Variants in PTPRK observed in about 807,000 individuals in gnomAD.
The protein encoded by PTPRK is receptor-type tyrosine-protein phosphatase kappa.
Under a neutral mutation model 178.0 loss-of-function variants are expected in PTPRK, and 75 were observed. The observed-to-expected ratio is 0.42, with a 90% CI of 0.35 to 0.51. PTPRK has a LOEUF of 0.51. Among genes scored for constraint, PTPRK ranks in the 20% least tolerant of loss-of-function variants. The pLI is 0.02. For synonymous variants in PTPRK, 637 were observed against 620.6 expected (o/e 1.03, Z -0.39); for missense variants, 1,441 against 1,797.8 (o/e 0.80, Z 3.59).
Position 128,364,362 on chromosome 6 carries a change from G to A in PTPRK, c.223+33204C>T, listed in dbSNP as rs537634518. Among the ~76,000 whole-genome samples, 14 of 152,030 alleles carry A rather than the reference G, an allele frequency of 9.2e-5. No individual in the cohort carries two copies. In the South Asian group the frequency reaches 1.0e-3, roughly 11 times the overall value. ...TTTTTTATCTTGTCGTATTATGGGGGACATATTATCCCTACCTAAACTTGC... is the reference window on the plus strand; with the variant it reads ...TTTTTTATCTTGTCGTATTATGGGGAACATATTATCCCTACCTAAACTTGC... On this transcript the variant is annotated intron_variant, in intron 2 of 29. Transcript: ENST00000368226.
intron 1 of PTPRK, among the ~76,000 whole-genome samples, chr6:128,465,955 C>T (rs1438979436): frequency 6.6e-6 from 1 of 152,048 alleles, no homozygotes; most frequent in Admixed American, 6.6e-5. Context: ...TTTATAAAAC[C>T]AAAATCAAAG....
chr6:128,352,253 C>CAAAAAAAA (rs10665459), intron 2 of PTPRK, among the ~76,000 whole-genome samples: 4 of 94,946 alleles, frequency 4.2e-5, no homozygotes, highest in Admixed American at 3.7e-4. Context: ...GACTTCATCT[C>CAAAAAAAA]AAAAAAAAAA....
chr6:128,340,726 C>A, intron 2 of PTPRK: 1 of 439,100 alleles, frequency 2.3e-6, no homozygotes, highest in Non-Finnish European at 4.3e-6. Context: ...ACCAAAAATG[C>A]AAATAGATTT....
intron 13 of PTPRK, among the ~76,000 whole-genome samples, chr6:128,052,699 G>C (rs963899805): frequency 6.6e-6 from 1 of 152,124 alleles, no homozygotes; most frequent in Non-Finnish European, 1.5e-5. Context: ...TCCAATGTGA[G>C]GTTAATCTGT....
intron 7 of PTPRK, among the ~76,000 whole-genome samples, chr6:128,164,509 C>T (rs1016546303): frequency 6.6e-6 from 1 of 151,254 alleles, no homozygotes; most frequent in African/African-American, 2.4e-5. Flanking sequence ...CCTCCAACGC[C>T]TCTAACTTAT....
chr6:128,223,533 T>C (rs1347021128), intron 5 of PTPRK, among the ~76,000 whole-genome samples: 2 of 152,056 alleles, frequency 1.3e-5, no homozygotes, highest in Non-Finnish European at 2.9e-5. Context: ...TAACTATAAA[T>C]ACATATGCTT....
chr6:128,153,869 A>G (rs1797620294), intron 7 of PTPRK, among the ~76,000 whole-genome samples: 1 of 151,954 alleles, frequency 6.6e-6, no homozygotes, highest in Admixed American at 6.6e-5. Context: ...ATAGCTAAAA[A>G]GGCTTTTATA....
intron 2 of PTPRK, among the ~76,000 whole-genome samples, chr6:128,338,087 T>C (rs759218191): frequency 6.6e-6 from 1 of 152,036 alleles, no homozygotes; most frequent in Non-Finnish European, 1.5e-5. Flanking sequence ...ACAGAAAAGA[T>C]TTAAGCTGAA....
At chr6:128,199,678 G>T (rs1045618866) in intron 6 of PTPRK, among the ~76,000 whole-genome samples, 6 of 152,032 alleles carry the variant, frequency 3.9e-5, no homozygotes, top group African/African-American at 1.2e-4. Context: ...GCCAACCCCC[G>T]CAAGGGCCAC....
intron 4 of PTPRK, among the ~76,000 whole-genome samples, chr6:128,240,517 T>A (rs2128283495): frequency 6.6e-6 from 1 of 152,232 alleles, no homozygotes; most frequent in East Asian, 1.9e-4. Context: ...TGACATGAAA[T>A]CAGAACCTAA....
At chr6:127,987,639 C>G (rs1776133031) in intron 21 of PTPRK, among the ~76,000 whole-genome samples, 1 of 151,960 alleles carries the variant, frequency 6.6e-6, no homozygotes, top group African/African-American at 2.4e-5. Flanking sequence ...TGGTATAAAT[C>G]CTTTCATCTT....
chr6:128,494,511 T>C (rs1369862833), intron 1 of PTPRK, among the ~76,000 whole-genome samples: 1 of 152,120 alleles, frequency 6.6e-6, no homozygotes, highest in East Asian at 1.9e-4. Context: ...GCCCAACAGC[T>C]GGAGTACTCA....
In PTPRK at chr6:128,083,786, A is replaced by T. The variant is rs1470810529; in HGVS notation, c.1504T>A (p.Ser502Thr). 5 of 1,606,562 alleles carry T rather than the reference A, an allele frequency of 3.1e-6. No individual in the cohort carries two copies. The Middle Eastern group carries it at 5.0e-4, about 160-fold the overall frequency. ...PVPVKSLQGT[S>T]FENKIFLNWK... ...TTCAAGAAGATCTTATTTTCAAAGG[A>T]TGTTCCTTGAAGAGATTTTACTGGT... The change falls in exon 9 of 30, where the codon TCC (serine) becomes ACC (threonine). Residue 502 changes from serine (S) to threonine (T), a missense_variant. By Grantham distance (58) the Ser-to-Thr change is moderately conservative. This residue lies in a region of PTPRK where 945 missense variants were observed against 1,080.6 expected (regional missense o/e 0.87). Transcript: ENST00000368226.
Position 128,184,486 on chromosome 6 carries a change from C to T in PTPRK, c.1108G>A (p.Glu370Lys), listed in dbSNP as rs747101063. The change falls in exon 7 of 30, where the codon GAA becomes AAA. Residue 370 changes from glutamate (E) to lysine (K), a missense_variant. By Grantham distance (56) the Glu-to-Lys change is moderately conservative. This residue lies in a region of PTPRK where 945 missense variants were observed against 1,080.6 expected (regional missense o/e 0.87). Coordinates refer to ENST00000368226, the MANE Select transcript of PTPRK (RefSeq NM_002844.4). ...EIRVLLTRPG[E>K]GGTGLPGPPL... ...GGTCCTGGGAGCCCCGTTCCACCTTCACCAGGTCTTGTAAGTAGAACTCGG... is the reference window on the plus strand; with the variant it reads ...GGTCCTGGGAGCCCCGTTCCACCTTTACCAGGTCTTGTAAGTAGAACTCGG... The T allele has an allele frequency of 1.2e-6, 2 of 1,613,762 alleles. No homozygotes were observed. Among genetic ancestry groups the T allele is most frequent in the Non-Finnish European group, 1.7e-6 (2 of 1,179,800 alleles).
chr6:127,976,837 A>G (rs1583474170), intron 26 of PTPRK, 55 bp from the exon 27 acceptor site: 2 of 1,610,960 alleles, frequency 1.2e-6, no homozygotes, highest in East Asian at 2.2e-5. Flanking sequence ...TTTTCTAGTT[A>G]GGAGAGTATA....
chr6:128,102,101 A>G (rs1330123257), intron 7 of PTPRK, among the ~76,000 whole-genome samples: 1 of 152,202 alleles, frequency 6.6e-6, no homozygotes, highest in Non-Finnish European at 1.5e-5. Flanking sequence ...GAAGAAATGG[A>G]GCTCAATAAA....
chr6:128,251,464 G>C (rs929728728), intron 3 of PTPRK, among the ~76,000 whole-genome samples: 6 of 152,102 alleles, frequency 3.9e-5, no homozygotes, highest in Non-Finnish European at 7.4e-5. Flanking sequence ...AAGATGTCCT[G>C]AGATTAAAAA....
At chr6:128,204,829 C>T (rs1221292036) in intron 6 of PTPRK, among the ~76,000 whole-genome samples, 1 of 152,090 alleles carries the variant, frequency 6.6e-6, no homozygotes, top group Non-Finnish European at 1.5e-5. Context: ...TGTAAATTAG[C>T]TCAACCCTTG....
chr6:128,220,136 C>G (rs536642485), intron 5 of PTPRK, among the ~76,000 whole-genome samples: 1 of 151,964 alleles, frequency 6.6e-6, no homozygotes, highest in East Asian at 1.9e-4. Flanking sequence ...AATTTATAAC[C>G]TCTATATGTT....
Sources: gnomAD v4.1 joint callset for allele counts (sites outside exome capture counted in the v4.1 genomes callset) on GRCh38, gnomAD v4.1.1 for gene constraint, gnomAD v4.1.1 regional missense constraint, MANE v1.5 for transcripts, NCBI Gene and HGNC (gene_info 2026-07-23, HGNC 2026-07-21) for gene names.